The following CNTN4 variants were observed in gnomAD, a reference collection of about 807,000 sequenced individuals.
CNTN4 encodes contactin 4, also known as contactin-4.
Under a neutral mutation model 122.5 loss-of-function variants are expected in CNTN4, and 77 were observed. The ratio of observed to expected loss-of-function variants is 0.63; its 90% confidence interval spans 0.52 to 0.76. The LOEUF is 0.76. Ranked by LOEUF, CNTN4 falls within the 30% of genes least tolerant of loss-of-function variation. The pLI is 0.00. For synonymous variants in CNTN4, 512 were observed against 447.0 expected, an observed-to-expected ratio of 1.15 and a Z score of -1.83; for missense variants, 1,256 against 1,259.1, an observed-to-expected ratio of 1.00 and a Z score of 0.04.
intron 4 of CNTN4, among the ~76,000 whole-genome samples, chr3:2,673,481 T>C (rs2084656956): frequency 6.6e-6 from 1 of 152,312 alleles, no homozygotes; most frequent in African/African-American, 2.4e-5. Context: ...TGGGCTGGGC[T>C]TGTGACCTGC....
chr3:2,262,702 C>T (rs2040884934), intron 2 of CNTN4, among the ~76,000 whole-genome samples: 1 of 150,752 alleles, frequency 6.6e-6, no homozygotes, highest in South Asian at 2.1e-4. Flanking sequence ...CTCAAGATGA[C>T]TTTAAATAAC....
At chr3:2,165,105 C>G (rs1299972217) in intron 2 of CNTN4, among the ~76,000 whole-genome samples, 17 of 152,044 alleles carry the variant, frequency 1.1e-4, no homozygotes. Context: ...GGTGGATCAT[C>G]TGAGGTCAGG....
At chr3:2,257,694 C>G (rs796348681) in intron 2 of CNTN4, among the ~76,000 whole-genome samples, 1 of 152,178 alleles carries the variant, frequency 6.6e-6, no homozygotes, top group Non-Finnish European at 1.5e-5. Flanking sequence ...CTTATCATCA[C>G]TGGTCATTAG....
chr3:2,255,680 G>A (rs933821876), intron 2 of CNTN4, among the ~76,000 whole-genome samples: 4 of 152,186 alleles, frequency 2.6e-5, no homozygotes, highest in Non-Finnish European at 5.9e-5. Context: ...ACCTGCTGCT[G>A]AATGACTACT....
chr3:2,161,051 G>T (rs1405289835), intron 2 of CNTN4, among the ~76,000 whole-genome samples: 4 of 152,058 alleles, frequency 2.6e-5, no homozygotes, highest in Non-Finnish European at 5.9e-5. Context: ...GTAAAAGAGG[G>T]GAGTCAAAGA....
At chr3:2,167,877 C>G (rs959035142) in intron 2 of CNTN4, among the ~76,000 whole-genome samples, 7 of 152,108 alleles carry the variant, frequency 4.6e-5, no homozygotes, top group Non-Finnish European at 1.0e-4. Flanking sequence ...ATTTCAAGAC[C>G]AGGCATGGTG....
intron 4 of CNTN4, among the ~76,000 whole-genome samples, chr3:2,630,731 TAC>T (rs869208711): frequency 0.022 from 2,704 of 124,022 alleles, 65 homozygotes; most frequent in African/African-American, 0.07. Flanking sequence ...TGTGTGTGTG[TAC>T]TATATGTTTA....
intron 3 of CNTN4, among the ~76,000 whole-genome samples, chr3:2,530,876 G>GA (rs937216682): frequency 1.3e-5 from 2 of 152,094 alleles, no homozygotes; most frequent in African/African-American, 4.8e-5. Flanking sequence ...TAAATTTCAG[G>GA]AAAAAGAGGA....
chr3:2,827,163 C>G (rs2150338921), intron 7 of CNTN4, among the ~76,000 whole-genome samples: 1 of 152,286 alleles, frequency 6.6e-6, no homozygotes, highest in East Asian at 1.9e-4. Flanking sequence ...TGGTCACTTT[C>G]CTCAGGAAGC....
intron 4 of CNTN4, among the ~76,000 whole-genome samples, chr3:2,670,835 T>G (rs1171278360): frequency 6.6e-6 from 1 of 152,200 alleles, no homozygotes; most frequent in African/African-American, 2.4e-5. Flanking sequence ...AAGGATTTTA[T>G]TTCTCCTTCA....
chr3:2,770,463 T>C (rs2091049052), intron 6 of CNTN4, among the ~76,000 whole-genome samples: 1 of 152,218 alleles, frequency 6.6e-6, no homozygotes, highest in African/African-American at 2.4e-5. Flanking sequence ...GCTTCCTTCA[T>C]CCCAAGAGAG....
chr3:2,677,242 C>T (rs2084908481), intron 4 of CNTN4, among the ~76,000 whole-genome samples: 1 of 148,212 alleles, frequency 6.7e-6, no homozygotes, highest in Non-Finnish European at 1.5e-5. Flanking sequence ...GATCTATATA[C>T]CTATATATCT....
chr3:2,719,539 C>T (rs186358520), intron 4 of CNTN4, among the ~76,000 whole-genome samples: 54 of 152,206 alleles, frequency 3.5e-4, no homozygotes, highest in South Asian at 1.5e-3. Flanking sequence ...CCACCTGCCT[C>T]GGCCTCCCAC....
chr3:2,225,840 G>T (rs1363408986), intron 2 of CNTN4, among the ~76,000 whole-genome samples: 3 of 152,124 alleles, frequency 2.0e-5, no homozygotes, highest in African/African-American at 7.2e-5. Flanking sequence ...TGAAGGACTT[G>T]AATCTTATGG....
chr3:2,360,016 T>A (rs1237231496), intron 3 of CNTN4, among the ~76,000 whole-genome samples: 1 of 152,204 alleles, frequency 6.6e-6, no homozygotes, highest in African/African-American at 2.4e-5. Flanking sequence ...TCTACAGACT[T>A]AGAAGGAAAA....
intron 2 of CNTN4, among the ~76,000 whole-genome samples, chr3:2,120,403 ATAT>A (rs1218551542): frequency 2.5e-3 from 89 of 35,812 alleles, no homozygotes; most frequent in African/African-American, 6.4e-3. Flanking sequence ...ATATATATAT[ATAT>A]TTTTTTTTTT....
intron 3 of CNTN4, among the ~76,000 whole-genome samples, chr3:2,395,511 G>A (rs1191127026): frequency 6.6e-6 from 1 of 152,162 alleles, no homozygotes; most frequent in Non-Finnish European, 1.5e-5. Flanking sequence ...AATATTTCGT[G>A]ATGCTGAGGT....
intron 3 of CNTN4, among the ~76,000 whole-genome samples, chr3:2,442,326 A>G (rs975397104): frequency 6.6e-6 from 1 of 152,160 alleles, no homozygotes; most frequent in African/African-American, 2.4e-5. Context: ...CAAAAAATAC[A>G]CATTATTATG....
chr3:2,157,430 TC>T (rs1253819650), intron 2 of CNTN4, among the ~76,000 whole-genome samples: 4 of 152,126 alleles, frequency 2.6e-5, no homozygotes, highest in Admixed American at 2.6e-4. Flanking sequence ...TTCAGAACAA[TC>T]TGAGGAAAAG....
Sources: gnomAD v4.1 joint callset for allele counts (sites outside exome capture counted in the v4.1 genomes callset) on GRCh38, gnomAD v4.1.1 for gene constraint, MANE v1.5 for transcripts, NCBI Gene and HGNC (gene_info 2026-07-23, HGNC 2026-07-21) for gene names.